Variants in WWTR1 observed in about 807,000 individuals in gnomAD.
WWTR1 encodes WW domain containing transcription regulator 1.
In WWTR1, 13 loss-of-function variants were observed where a neutral mutation model predicts 40.1. The observed-to-expected ratio is 0.32, with a 90% CI of 0.21 to 0.52. WWTR1 has a LOEUF of 0.52. WWTR1 is among the 20% of genes least tolerant of loss of function. WWTR1 has a pLI of 0.97. For synonymous variants in WWTR1, 230 were observed against 210.1 expected (o/e 1.09, Z -0.82); for missense variants, 436 against 523.1 (o/e 0.83, Z 1.63).
At chr3:149,720,204 C>T (rs942187647) in intron 4 of WWTR1, among the ~76,000 whole-genome samples, 7 of 152,060 alleles carry the variant, frequency 4.6e-5, no homozygotes, top group Non-Finnish European at 8.8e-5. Flanking sequence ...AATCCCATGT[C>T]GTGAAGTTTT....
chr3:149,586,787 G>A (rs1271098698), intron 2 of WWTR1, among the ~76,000 whole-genome samples: 1 of 152,170 alleles, frequency 6.6e-6, no homozygotes, highest in Non-Finnish European at 1.5e-5. Context: ...GGGGCTGAAG[G>A]ATGAGCTGAT....
intron 3 of WWTR1, among the ~76,000 whole-genome samples, chr3:149,553,606 A>G (rs1034826684): frequency 2.0e-5 from 3 of 152,214 alleles, no homozygotes; most frequent in Non-Finnish European, 2.9e-5. Flanking sequence ...TGCTGCCATC[A>G]GCCAATGGTA....
intron 4 of WWTR1, 148 bp from the exon 5 acceptor site, chr3:149,528,117 CT>C (rs1735415999): frequency 9.5e-7 from 1 of 1,049,388 alleles, no homozygotes; most frequent in Non-Finnish European, 1.3e-6. Flanking sequence ...CATTAGTATT[CT>C]TTCTCCGAAG....
chr3:149,586,851 T>A (rs1199387243), intron 2 of WWTR1, among the ~76,000 whole-genome samples: 1 of 152,108 alleles, frequency 6.6e-6, no homozygotes, highest in Non-Finnish European at 1.5e-5. Context: ...TAAAAATCCA[T>A]AAGGATAGGG....
At position 149,674,126 on chromosome 3, in the gene WWTR1, G is replaced by T. The variant is rs1003440382; in HGVS notation, c.-107-4235C>A. On this transcript the variant is annotated intron_variant, in intron 1 of 7. Coordinates refer to the WWTR1 transcript ENST00000465804. ...TCCCAGCTACTGGGGAGGCTGAGGTGGAAGGATTGCTTGAGCTGAGGAAGC... is the reference window on the plus strand; with the variant it reads ...TCCCAGCTACTGGGGAGGCTGAGGTTGAAGGATTGCTTGAGCTGAGGAAGC... Among the ~76,000 whole-genome samples, 16 of 151,814 alleles carry T rather than the reference G, an allele frequency of 1.1e-4. No homozygotes were observed. In the East Asian group the frequency reaches 2.9e-3, roughly 28 times the overall value.
intron 2 of WWTR1, among the ~76,000 whole-genome samples, chr3:149,637,546 C>T (rs913158498): frequency 4.6e-5 from 7 of 152,044 alleles, no homozygotes; most frequent in African/African-American, 1.2e-4. Flanking sequence ...TCAGTATTAA[C>T]ATTAATCTCA....
rs530653349 is a variant in WWTR1, at chr3:149,715,926, G to A, written n.584+1516C>T. Among the ~76,000 whole-genome samples, 7 of 152,230 alleles carry A rather than the reference G, an allele frequency of 4.6e-5. No individual in the cohort carries two copies. The East Asian group carries it at 1.3e-3, about 29-fold the overall frequency. ...AAAGTCTTGTTTGGTTTGGTTTGGG[G>A]TGGGGGTTAACTAGGGAGCCTCATC... On this transcript the variant is annotated intron_variant and non_coding_transcript_variant, in intron 5 of 6. Coordinates refer to the WWTR1 transcript ENST00000474080.
At chr3:149,664,628 G>T (rs1209895729) in intron 2 of WWTR1, among the ~76,000 whole-genome samples, 1 of 144,968 alleles carries the variant, frequency 6.9e-6, no homozygotes, top group African/African-American at 2.6e-5. Flanking sequence ...CGCTCCTGTT[G>T]CCCAGGCTGT....
chr3:149,541,197 GA>G, intron 4 of WWTR1: 2 of 364,746 alleles, frequency 5.5e-6, no homozygotes, highest in Non-Finnish European at 5.4e-6. Flanking sequence ...AATGTAGCCA[GA>G]AAAAAAGCAT....
chr3:149,628,552 A>G (rs1171063837), intron 2 of WWTR1, among the ~76,000 whole-genome samples: 1 of 152,134 alleles, frequency 6.6e-6, no homozygotes, highest in Non-Finnish European at 1.5e-5. Flanking sequence ...CCCCAGCAGT[A>G]TCTTTTTCGG....
Position 149,591,493 on chromosome 3 carries a change from T to A in WWTR1, c.432-18493A>T, listed in dbSNP as rs558783818. Reference sequence around the variant, plus strand: ...GGGCTGTTGTATAAAATGTGTTCAGTCTATAATAAGCTATGTAACCAGCCT... The same window carrying A: ...GGGCTGTTGTATAAAATGTGTTCAGACTATAATAAGCTATGTAACCAGCCT... On this transcript the variant is annotated intron_variant, in intron 2 of 6. Transcript: ENST00000360632. Among the ~76,000 whole-genome samples, 10 of 152,344 alleles carry A rather than the reference T, an allele frequency of 6.6e-5. 1 individual carries two copies. The South Asian group carries it at 1.2e-3, about 19-fold the overall frequency.
intron 3 of WWTR1, among the ~76,000 whole-genome samples, chr3:149,572,499 C>G (rs1414235991): frequency 6.6e-6 from 1 of 151,986 alleles, no homozygotes; most frequent in African/African-American, 2.4e-5. Flanking sequence ...ACTGAGGCAG[C>G]AGTATCATGA....
chr3:149,571,574 G>T (rs1406668588), intron 3 of WWTR1, among the ~76,000 whole-genome samples: 1 of 152,166 alleles, frequency 6.6e-6, no homozygotes, highest in East Asian at 1.9e-4. Flanking sequence ...CTGTACATCT[G>T]CAAGCTTTAA....
At chr3:149,528,594 C>A (rs555125434) in intron 4 of WWTR1, among the ~76,000 whole-genome samples, 1 of 152,038 alleles carries the variant, frequency 6.6e-6, no homozygotes, top group Non-Finnish European at 1.5e-5. Context: ...AAGTTCGAGA[C>A]CAGCCTGCAA....
At chr3:149,577,930 C>T (rs1170279600) in intron 2 of WWTR1, among the ~76,000 whole-genome samples, 1 of 152,040 alleles carries the variant, frequency 6.6e-6, no homozygotes, top group African/African-American at 2.4e-5. Flanking sequence ...CCTTCATGAC[C>T]TTTCACCTTG....
At chr3:149,673,157 C>A (rs1714150391) in intron 1 of WWTR1, among the ~76,000 whole-genome samples, 1 of 152,086 alleles carries the variant, frequency 6.6e-6, no homozygotes, top group Non-Finnish European at 1.5e-5. Context: ...AGGATGATTA[C>A]TTGAGCCCAG....
chr3:149,646,272 G>A (rs968254228), intron 2 of WWTR1, among the ~76,000 whole-genome samples: 3 of 152,284 alleles, frequency 2.0e-5, no homozygotes, highest in Non-Finnish European at 2.9e-5. Flanking sequence ...GTGAAGGACC[G>A]GGGTTTTATT....
chr3:149,637,927 G>A (rs1237472088), intron 2 of WWTR1, among the ~76,000 whole-genome samples: 3 of 152,098 alleles, frequency 2.0e-5, no homozygotes, highest in Middle Eastern at 3.2e-3. Context: ...TATGACATAT[G>A]CAGTGGCAAC....
rs368845286 is a variant in WWTR1, at chr3:149,651,992, ATT to A, written c.431+4882_431+4883del. Reference sequence around the variant, plus strand: ...AGGCGCCCGCTGCCACGCCCGGCTAATTTTTTTTTTTTTTTTTTTTTTTGTAT... The same window carrying A: ...AGGCGCCCGCTGCCACGCCCGGCTAATTTTTTTTTTTTTTTTTTTTTGTAT... On this transcript the variant is annotated intron_variant, in intron 2 of 6. Coordinates refer to ENST00000360632, the MANE Select transcript of WWTR1 (RefSeq NM_015472.6). 2.7e-3 allele frequency among the ~76,000 whole-genome samples: 249 copies of A among 93,700 alleles called. 1 individual carries two copies. Among genetic ancestry groups the A allele is most frequent in the Non-Finnish European group, 3.7e-3 (184 of 50,080 alleles). The allele number at this position is 93,700 out of a possible 152,430, so 61.5% of individuals were successfully genotyped here.
Sources: gnomAD v4.1 joint callset for allele counts (sites outside exome capture counted in the v4.1 genomes callset) on GRCh38, gnomAD v4.1.1 for gene constraint, MANE v1.5 for transcripts, NCBI Gene and HGNC (gene_info 2026-07-23, HGNC 2026-07-21) for gene names.